RBM26: variants seen among roughly 807,000 people sequenced by gnomAD.
RBM26 encodes RNA binding motif protein 26.
A neutral mutation model predicts 123.6 loss-of-function variants in RBM26; 30 were observed. The ratio of observed to expected loss-of-function variants is 0.24; its 90% CI spans 0.18 to 0.33. RBM26 has a LOEUF of 0.33. RBM26 is among the 10% of genes least tolerant of loss of function. RBM26 has a pLI of 1.00. For missense variants in RBM26, 947 were observed against 1,203.6 expected, an observed-to-expected ratio of 0.79 and a Z score of 3.15; for synonymous variants, 400 against 404.4, an observed-to-expected ratio of 0.99 and a Z score of 0.13.
At chr13:79,356,647 AT>A (rs1360656931) in intron 11 of RBM26, among the ~76,000 whole-genome samples, 8 of 152,144 alleles carry the variant, frequency 5.3e-5, no homozygotes, top group South Asian at 2.1e-4. Flanking sequence ...ATAATTATAC[AT>A]TTTTTAAGAC....
At chr13:79,395,110 T>G (rs776487883) in intron 1 of RBM26, among the ~76,000 whole-genome samples, 5 of 152,226 alleles carry the variant, frequency 3.3e-5, no homozygotes, top group African/African-American at 7.2e-5. Flanking sequence ...AAATCTTATT[T>G]ACTTCAGTCT....
At chr13:79,352,004 T>C (rs981161121) in intron 14 of RBM26, among the ~76,000 whole-genome samples, 3 of 152,122 alleles carry the variant, frequency 2.0e-5, no homozygotes, top group African/African-American at 4.8e-5. Flanking sequence ...AATGGTGTTA[T>C]CACTTTCTGA....
At chr13:79,318,036 T>C (rs78499453), downstream of RBM26, among the ~76,000 whole-genome samples, 4,310 of 151,562 alleles carry the variant, frequency 0.028, 167 homozygotes, top group African/African-American at 0.085. Context: ...AAGACAGACA[T>C]AAACCAGATA....
intron 1 of RBM26, among the ~76,000 whole-genome samples, chr13:79,380,506 A>C (rs1409410901): frequency 6.6e-6 from 1 of 151,830 alleles, no homozygotes; most frequent in African/African-American, 2.4e-5. Context: ...TAAAAAAAAA[A>C]AACCACATAA....
intron 3 of RBM26, among the ~76,000 whole-genome samples, chr13:79,375,636 TAGGTTC>T (rs2076611311): frequency 6.6e-6 from 1 of 152,046 alleles, no homozygotes. Flanking sequence ...AGGTATGAAA[TAGGTTC>T]AGTTATAAAT....
At chr13:79,374,370 A>G (rs1380177718) in intron 3 of RBM26, among the ~76,000 whole-genome samples, 1 of 152,008 alleles carries the variant, frequency 6.6e-6, no homozygotes, top group East Asian at 1.9e-4. Context: ...GGATTACAGG[A>G]GGGATACTTG....
At chr13:79,381,655 A>T (rs1053134360) in intron 1 of RBM26, among the ~76,000 whole-genome samples, 11 of 152,058 alleles carry the variant, frequency 7.2e-5, no homozygotes, top group Non-Finnish European at 1.5e-5. Context: ...TTAAAACTGA[A>T]TTAAAATGTT....
At chr13:79,331,439 T>G in intron 20 of RBM26, among the ~76,000 whole-genome samples, 1 of 137,752 alleles carries the variant, frequency 7.3e-6, no homozygotes, top group Non-Finnish European at 1.5e-5. Flanking sequence ...GCTAACATGG[T>G]GAAACCCTGT....
chr13:79,375,081 T>TATATATAAACATATATTTATATATC (rs1555332794), intron 3 of RBM26, among the ~76,000 whole-genome samples: 2 of 104,368 alleles, frequency 1.9e-5, no homozygotes, highest in Non-Finnish European at 4.2e-5. Flanking sequence ...TTATATGATA[T>TATATATAAACATATATTTATATATC]ATATAAATAT....
At chr13:79,353,260 C>A in intron 13 of RBM26, 36 bp from the exon 14 acceptor site, 2 of 1,212,144 alleles carry the variant, frequency 1.6e-6, no homozygotes, top group East Asian at 5.0e-5. Context: ...CAGTGTTTCC[C>A]CAAACATATA....
chr13:79,353,812 A>G (rs1268822156), intron 13 of RBM26, among the ~76,000 whole-genome samples: 1 of 152,172 alleles, frequency 6.6e-6, no homozygotes, highest in African/African-American at 2.4e-5. Flanking sequence ...ATGCTGAAAC[A>G]TCGGGAGACA....
chr13:79,388,004 G>A (rs1254654173), intron 1 of RBM26, among the ~76,000 whole-genome samples: 2 of 152,142 alleles, frequency 1.3e-5, no homozygotes, highest in Non-Finnish European at 2.9e-5. Context: ...GTATTGAGAA[G>A]GAGCTTCTAA....
chr13:79,392,067 TTATACAATAATACATA>T (rs2078074079), intron 1 of RBM26, among the ~76,000 whole-genome samples: 1 of 139,124 alleles, frequency 7.2e-6, no homozygotes, highest in Non-Finnish European at 1.5e-5. Flanking sequence ...TAATTATGTA[TTATACAATAATACATA>T]ATTATATAAT....
At chr13:79,393,185 T>C (rs1337212845) in intron 1 of RBM26, among the ~76,000 whole-genome samples, 1 of 152,172 alleles carries the variant, frequency 6.6e-6, no homozygotes, top group Non-Finnish European at 1.5e-5. Flanking sequence ...GAGGCATTCT[T>C]GGGTGGGTTA....
At chr13:79,384,388 G>A (rs2077313631) in intron 1 of RBM26, among the ~76,000 whole-genome samples, 3 of 151,950 alleles carry the variant, frequency 2.0e-5, no homozygotes, top group African/African-American at 7.3e-5. Flanking sequence ...CTCCCCAGTA[G>A]CTAGGACTAC....
intron 16 of RBM26, among the ~76,000 whole-genome samples, chr13:79,343,317 T>C (rs2071745761): frequency 6.6e-6 from 1 of 151,806 alleles, no homozygotes; most frequent in South Asian, 2.1e-4. Flanking sequence ...CACCTGAGAA[T>C]GGTATTCCCA....
downstream of RBM26, among the ~76,000 whole-genome samples, chr13:79,317,380 G>C (rs1005009223): frequency 6.6e-6 from 1 of 151,646 alleles, no homozygotes; most frequent in African/African-American, 2.4e-5. Flanking sequence ...GGAAACTATA[G>C]ATGTAAAAGG....
At chr13:79,373,378 T>G (rs1375113767) in intron 3 of RBM26, among the ~76,000 whole-genome samples, 2 of 98,704 alleles carry the variant, frequency 2.0e-5, no homozygotes, top group Admixed American at 3.3e-4. Flanking sequence ...TAATATATAT[T>G]ATATATAAAT....
At chr13:79,369,064 T>C in intron 5 of RBM26, 74 bp from the exon 6 acceptor site, 1 of 973,854 alleles carries the variant, frequency 1.0e-6, no homozygotes, top group Non-Finnish European at 1.4e-6. Context: ...TAAGAAATAG[T>C]GATATTTTTA....
Sources: allele counts gnomAD v4.1 joint callset (sites outside exome capture counted in the v4.1 genomes callset), GRCh38; gene constraint gnomAD v4.1.1; transcripts MANE v1.5; gene names NCBI Gene and HGNC (gene_info 2026-07-23, HGNC 2026-07-21).